ST7L: variants seen among roughly 807,000 people sequenced by gnomAD.
ST7L encodes suppression of tumorigenicity 7 like.
ST7L carries 57 observed loss-of-function variants against 72.5 expected under a neutral mutation model. The ratio of observed to expected loss-of-function variants is 0.79; its 90% CI spans 0.64 to 0.98. The LOEUF (loss-of-function observed/expected upper bound fraction) is 0.98. Ranked by LOEUF, ST7L falls within the 50% of genes least tolerant of loss-of-function variation. The pLI is 0.00. For synonymous variants in ST7L, 221 were observed against 240.9 expected (o/e 0.92, Z 0.77); for missense variants, 576 against 672.2 (o/e 0.86, Z 1.58).
At chr1:112,568,861 A>AATATATATATATATAT (rs377429784) in intron 11 of ST7L, among the ~76,000 whole-genome samples, 8 of 114,858 alleles carry the variant, frequency 7.0e-5, no homozygotes, top group Admixed American at 2.2e-4. Context: ...TATAAATATA[A>AATATATATATATATAT]ATATATATAT....
At chr1:112,588,505 C>T (rs1665193015) in intron 6 of ST7L, among the ~76,000 whole-genome samples, 1 of 152,108 alleles carries the variant, frequency 6.6e-6, no homozygotes, top group Non-Finnish European at 1.5e-5. Flanking sequence ...TAGATTTTGT[C>T]AGATCTTTTT....
rs1466883478 is a variant in ST7L at position 112,523,970 on chromosome 1, T to C, written c.*2043A>G. 6.6e-6 allele frequency: 1 copy of C among 151,004 alleles called. No homozygotes were observed. The highest frequency in any genetic ancestry group is 2.4e-5 in the African/African-American group (1 of 41,060). 9.4% of individuals were successfully genotyped at this position (151,004 alleles called of 1,614,324 possible). On this transcript the variant is annotated 3_prime_UTR_variant, in exon 15 of 15. Transcript: ENST00000358039. ...TCCACACTCTTCCTTAGAGTGATGC[T>C]GGAAAAATAAAATCAGGGGCTTCAG...
At chr1:112,543,290 C>T (rs1244911420) in intron 13 of ST7L, among the ~76,000 whole-genome samples, 2 of 152,234 alleles carry the variant, frequency 1.3e-5, no homozygotes, top group African/African-American at 4.8e-5. Context: ...TGGCTCACGC[C>T]TGTAATCCCA....
At chr1:112,577,523 T>G (rs1484774913) in intron 10 of ST7L, among the ~76,000 whole-genome samples, 2 of 115,630 alleles carry the variant, frequency 1.7e-5, no homozygotes, top group Admixed American at 2.1e-4. Flanking sequence ...AGAGTGAAAC[T>G]CTGTCTCAAA....
chr1:112,566,318 G>A (rs1330512652), intron 11 of ST7L, among the ~76,000 whole-genome samples: 3 of 64,674 alleles, frequency 4.6e-5, no homozygotes, highest in Admixed American at 3.7e-4. Flanking sequence ...TTTTTTTTGA[G>A]ACAGAGTCTT....
downstream of ST7L, among the ~76,000 whole-genome samples, chr1:112,519,321 C>A (rs1412016269): frequency 6.6e-6 from 1 of 152,176 alleles, no homozygotes; most frequent in Admixed American, 6.5e-5. Context: ...CATAGAAGTT[C>A]TAGCATTTTC....
intron 3 of ST7L, among the ~76,000 whole-genome samples, chr1:112,609,475 G>A (rs751715805): frequency 6.7e-6 from 1 of 150,176 alleles, no homozygotes; most frequent in Non-Finnish European, 1.5e-5. Context: ...AGGTCGCAGT[G>A]AGCTGAGATT....
At chr1:112,606,130 A>C (rs886236370) in intron 3 of ST7L, among the ~76,000 whole-genome samples, 1 of 152,202 alleles carries the variant, frequency 6.6e-6, no homozygotes, top group African/African-American at 2.4e-5. Context: ...CATGAAGTGC[A>C]CACGTGATAT....
At chr1:112,580,652 C>T (rs1427158784) in intron 9 of ST7L, among the ~76,000 whole-genome samples, 1 of 152,054 alleles carries the variant, frequency 6.6e-6, no homozygotes, top group Non-Finnish European at 1.5e-5. Flanking sequence ...CTGCCAGGTG[C>T]GGTGGCTCAC....
chr1:112,576,956 AG>A, intron 11 of ST7L, 29 bp downstream of exon 11: 1 of 1,469,296 alleles, frequency 6.8e-7, no homozygotes, highest in Non-Finnish European at 9.4e-7. Flanking sequence ...ACTTAAATAA[AG>A]GTAGTATTTT....
At chr1:112,587,322 CCAGGCGTGGTGGCT>C (rs1665011735) in intron 6 of ST7L, among the ~76,000 whole-genome samples, 1 of 152,196 alleles carries the variant, frequency 6.6e-6, no homozygotes, top group African/African-American at 2.4e-5. Context: ...AAAATCATGG[CCAGGCGTGGTGGCT>C]CACACCTGTA....
At chr1:112,602,875 G>A (rs757918956) in intron 3 of ST7L, among the ~76,000 whole-genome samples, 9 of 151,786 alleles carry the variant, frequency 5.9e-5, no homozygotes, top group South Asian at 4.2e-4. Flanking sequence ...CCACCACCAC[G>A]CCCGGCTAAT....
chr1:112,618,111 G>T (rs1427156815), intron 1 of ST7L: 2 of 1,298,366 alleles, frequency 1.5e-6, no homozygotes, highest in Non-Finnish European at 2.0e-6. Flanking sequence ...CTTATATCTT[G>T]TTCTGAGGTT....
chr1:112,535,115 G>A (rs567626834), intron 14 of ST7L, among the ~76,000 whole-genome samples: 4 of 152,290 alleles, frequency 2.6e-5, no homozygotes, highest in South Asian at 4.1e-4. Flanking sequence ...GCTCACACCT[G>A]TAATCCCAGC....
intron 14 of ST7L, chr1:112,539,789 T>C: frequency 6.1e-6 from 6 of 985,406 alleles, no homozygotes; most frequent in Non-Finnish European, 7.2e-6. Flanking sequence ...GCAGGAACTT[T>C]CAGTAAATAC....
intron 13 of ST7L, among the ~76,000 whole-genome samples, chr1:112,545,476 A>T (rs1656896850): frequency 6.6e-6 from 1 of 152,206 alleles, no homozygotes; most frequent in East Asian, 1.9e-4. Flanking sequence ...TTTAAGGTCC[A>T]TTCTTTTGCC....
chr1:112,533,195 C>CCTT (rs76337244), intron 14 of ST7L, among the ~76,000 whole-genome samples: 36,454 of 152,006 alleles, frequency 0.24, 4,485 homozygotes, highest in Middle Eastern at 0.27. Context: ...AGGCTGAAGT[C>CCTT]TATGCAGTAA....
intron 3 of ST7L, among the ~76,000 whole-genome samples, chr1:112,605,603 T>C (rs1364056799): frequency 1.3e-5 from 2 of 151,294 alleles, no homozygotes; most frequent in Non-Finnish European, 2.9e-5. Flanking sequence ...GGCAGGAGAA[T>C]CACTTGAACC....
At chr1:112,599,108 ATATG>A (rs1666992259) in intron 4 of ST7L, among the ~76,000 whole-genome samples, 1 of 79,258 alleles carries the variant, frequency 1.3e-5, no homozygotes, top group African/African-American at 5.1e-5. Flanking sequence ...ATATATATAT[ATATG>A]TGGATGTGTG....
Sources: gnomAD v4.1 joint callset for allele counts (sites outside exome capture counted in the v4.1 genomes callset) on GRCh38, gnomAD v4.1.1 for gene constraint, MANE v1.5 for transcripts, NCBI Gene and HGNC (gene_info 2026-07-23, HGNC 2026-07-21) for gene names.